NGEF: variants seen among roughly 807,000 people sequenced by gnomAD.
NGEF encodes neuronal guanine nucleotide exchange factor, also known as ephexin-1.
In NGEF, 31 loss-of-function variants were observed where a neutral mutation model predicts 80.9. The ratio of observed to expected loss-of-function variants is 0.38; its 90% confidence interval spans 0.29 to 0.52. NGEF has a LOEUF of 0.52. NGEF is among the 20% of genes least tolerant of loss of function. The pLI is 0.84. For synonymous variants in NGEF, 371 were observed against 370.2 expected, an observed-to-expected ratio of 1.00 and a Z score of -0.03; for missense variants, 709 against 926.2, an observed-to-expected ratio of 0.77 and a Z score of 3.04.
chr2:232,897,528 A>T (rs575366172), intron 5 of NGEF, among the ~76,000 whole-genome samples: 1 of 152,244 alleles, frequency 6.6e-6, no homozygotes, highest in African/African-American at 2.4e-5. Context: ...AGGAGCTCTC[A>T]CTGCTGCTTC....
intron 3 of NGEF, among the ~76,000 whole-genome samples, chr2:232,929,026 C>T (rs2675965): frequency 0.28 from 42,203 of 152,144 alleles, 6,032 homozygotes; most frequent in Non-Finnish European, 0.31. Flanking sequence ...CCCCGCCTAC[C>T]CTCGCGAAGG....
intron 3 of NGEF, among the ~76,000 whole-genome samples, chr2:232,937,674 A>C (rs1194276620): frequency 6.6e-6 from 1 of 152,160 alleles, no homozygotes; most frequent in Admixed American, 6.5e-5. Flanking sequence ...CTCGTGAGTT[A>C]ATATAGGGAA....
intron 4 of NGEF, 58 bp downstream of exon 4, chr2:232,926,986 G>C (rs1371095361): frequency 9.9e-6 from 16 of 1,610,090 alleles, no homozygotes; most frequent in Non-Finnish European, 1.4e-5. Context: ...AGGACCCTCA[G>C]AGTCCTCCAG....
chr2:232,889,858 GCCTCTCA>G (rs1382605051), intron 8 of NGEF, among the ~76,000 whole-genome samples: 1 of 152,090 alleles, frequency 6.6e-6, no homozygotes, highest in Non-Finnish European at 1.5e-5. Flanking sequence ...TAGGTCTTTG[GCCTCTCA>G]CCTGTCTGAC....
chr2:232,924,288 G>A (rs554358809), intron 4 of NGEF, among the ~76,000 whole-genome samples: 5 of 152,090 alleles, frequency 3.3e-5, no homozygotes, highest in Non-Finnish European at 7.3e-5. Flanking sequence ...GAAGGCAGCC[G>A]CCTGGCCCCT....
chr2:232,973,594 G>A (rs1351579778), intron 2 of NGEF, among the ~76,000 whole-genome samples: 2 of 152,166 alleles, frequency 1.3e-5, no homozygotes, highest in Non-Finnish European at 2.9e-5. Context: ...ATATGCATAA[G>A]CCTGGGCCAG....
chr2:232,901,685 C>T (rs983604660), intron 5 of NGEF, among the ~76,000 whole-genome samples: 1 of 152,214 alleles, frequency 6.6e-6, no homozygotes, highest in Non-Finnish European at 1.5e-5. Flanking sequence ...TGTGCCAGGC[C>T]CTCCCCACAC....
chr2:232,942,699 A>AC (rs1266935959), intron 3 of NGEF, among the ~76,000 whole-genome samples: 2 of 150,350 alleles, frequency 1.3e-5, no homozygotes, highest in Non-Finnish European at 3.0e-5. Context: ...ACATGGTGAA[A>AC]CCCCGTCTCT....
At chr2:232,907,179 G>GAAAAAAA (rs1455116424) in intron 5 of NGEF, among the ~76,000 whole-genome samples, 16 of 25,486 alleles carry the variant, frequency 6.3e-4, no homozygotes, top group East Asian at 1.1e-3. Flanking sequence ...AAAAAGAAAA[G>GAAAAAAA]AAAAAAAAGA....
intron 8 of NGEF, chr2:232,891,117 T>G: frequency 1.2e-5 from 7 of 587,130 alleles, no homozygotes; most frequent in East Asian, 3.8e-5. Flanking sequence ...TGTCGGCCCA[T>G]TTGGCTGTCC....
chr2:232,936,456 G>A lies in NGEF; in HGVS notation c.384-9270C>T, dbSNP rs1693325117. Among the ~76,000 whole-genome samples, 3 of 152,284 alleles carry A rather than the reference G, an allele frequency of 2.0e-5. No homozygotes were observed. The South Asian group carries it at 6.2e-4, about 32-fold the overall frequency. On this transcript the variant is annotated intron_variant, in intron 3 of 14. Transcript: ENST00000264051. ...TGAAAAGAGGCTCTTTCCTTACCCAGGAGCCTTGGCCCACTCTGGATAGGG... is the reference window on the plus strand; with the variant it reads ...TGAAAAGAGGCTCTTTCCTTACCCAAGAGCCTTGGCCCACTCTGGATAGGG...
chr2:232,974,677 T>G lies in NGEF; in HGVS notation c.214A>C (p.Lys72Gln). Reference protein sequence around the residue: ...NSIFNRSIRRKSKAKARDNPE... With the variant: ...NSIFNRSIRRQSKAKARDNPE... ...TTGTCTCTGGCCTTGGCTTTGCTTT[T>G]GCGTCTTATGGAGCGATTGAAGATG... The change falls in exon 2 of 15, where the codon AAA becomes CAA. Residue 72 changes from lysine (K) to glutamine (Q), a missense_variant. This residue lies in a region of NGEF where 283 missense variants were observed against 303.4 expected (regional missense o/e 0.93). Coordinates refer to ENST00000264051, the MANE Select transcript of NGEF (RefSeq NM_019850.3). The G allele has an allele frequency of 6.2e-7, 1 of 1,614,274 alleles. No individual in the cohort carries two copies. Among genetic ancestry groups the G allele is most frequent in the Non-Finnish European group, 8.5e-7 (1 of 1,180,042 alleles).
chr2:232,892,752 G>T lies in NGEF; in HGVS notation c.1142+146C>A. On this transcript the variant is annotated intron_variant, in intron 7 of 14. Coordinates refer to ENST00000264051, the MANE Select transcript of NGEF (RefSeq NM_019850.3). The surrounding 1 kb of genome is among the most constrained non-coding windows in gnomAD (Gnocchi z 4.0). Reference sequence around the variant, plus strand: ...TTGGGACACTGTCACCAGTATCCCTGGCCAACTCCGGTGGCTCATGTGGAC... The same window carrying T: ...TTGGGACACTGTCACCAGTATCCCTTGCCAACTCCGGTGGCTCATGTGGAC... The T allele has an allele frequency of 1.2e-6, 1 of 850,608 alleles. No homozygotes were observed. The highest frequency in any genetic ancestry group is 1.9e-6 in the Non-Finnish European group (1 of 539,698). 52.7% of individuals were successfully genotyped at this position (850,608 alleles called of 1,614,324 possible). A position where few individuals can be genotyped will look rare whatever the true frequency, so the allele number is the denominator to read the frequency against.
At chr2:232,953,481 G>A in intron 3 of NGEF, among the ~76,000 whole-genome samples, 2 of 145,734 alleles carry the variant, frequency 1.4e-5, no homozygotes, top group African/African-American at 2.6e-5. Flanking sequence ...AAAGCCAGAA[G>A]ATAGTTGACT....
chr2:232,899,978 T>C (rs111209809), intron 5 of NGEF, among the ~76,000 whole-genome samples: 1 of 95,652 alleles, frequency 1.0e-5, no homozygotes, highest in African/African-American at 4.7e-5. Flanking sequence ...ATATACACAT[T>C]CACTCATTCA....
chr2:232,938,741 G>T (rs201586971), intron 3 of NGEF, among the ~76,000 whole-genome samples: 1 of 121,174 alleles, frequency 8.3e-6, no homozygotes, highest in Non-Finnish European at 1.6e-5. Context: ...CCTGTCTTAA[G>T]AAAAAAAAAA....
intron 5 of NGEF, among the ~76,000 whole-genome samples, chr2:232,917,468 TTTTC>T (rs916646575): frequency 7.1e-6 from 1 of 141,154 alleles, no homozygotes; most frequent in African/African-American, 2.7e-5. Context: ...ATTGTAAAAC[TTTTC>T]TTTTTTTTTT....
At chr2:232,896,707 G>A (rs1574997704) in intron 5 of NGEF, among the ~76,000 whole-genome samples, 2 of 41,450 alleles carry the variant, frequency 4.8e-5, no homozygotes, top group Non-Finnish European at 9.4e-5. Flanking sequence ...GGTAGGGGTG[G>A]GGGTAGGGGT....
At chr2:232,895,120 G>A (rs1220172728) in intron 5 of NGEF, among the ~76,000 whole-genome samples, 1 of 152,172 alleles carries the variant, frequency 6.6e-6, no homozygotes, top group Non-Finnish European at 1.5e-5. Flanking sequence ...TCTTCCTAGG[G>A]AGCACACTAC....
Sources: gnomAD v4.1 joint callset for allele counts (sites outside exome capture counted in the v4.1 genomes callset) on GRCh38, gnomAD v4.1.1 for gene constraint, gnomAD v4.1.1 regional missense constraint, Gnocchi (gnomAD v3.1) non-coding constraint, MANE v1.5 for transcripts, NCBI Gene and HGNC (gene_info 2026-07-23, HGNC 2026-07-21) for gene names.